CA12: variants seen among roughly 807,000 people sequenced by gnomAD.
CA12 encodes the protein carbonic anhydrase 12.
In CA12, 36 loss-of-function variants were observed where a neutral mutation model predicts 46.8. The ratio of observed to expected loss-of-function variants is 0.77; its 90% CI spans 0.59 to 1.02. The LOEUF (loss-of-function observed/expected upper bound fraction) is 1.02. CA12 is among the 50% of genes least tolerant of loss of function. The pLI is 0.00. For missense variants in CA12, 436 were observed against 451.4 expected, an observed-to-expected ratio of 0.97 and a Z score of 0.31; for synonymous variants, 202 against 187.0, an observed-to-expected ratio of 1.08 and a Z score of -0.65.
At chr15:63,351,799 C>A (rs2039235995) in intron 2 of CA12, among the ~76,000 whole-genome samples, 1 of 152,214 alleles carries the variant, frequency 6.6e-6, no homozygotes, top group South Asian at 2.1e-4. Context: ...TGATTGTTAG[C>A]CTGCCTCACC....
intron 2 of CA12, among the ~76,000 whole-genome samples, chr15:63,360,292 T>C (rs957055074): frequency 2.6e-5 from 4 of 152,186 alleles, no homozygotes; most frequent in East Asian, 1.9e-4. Context: ...TTGGGAAACC[T>C]CATTCTTTTA....
intron 4 of CA12, among the ~76,000 whole-genome samples, chr15:63,343,712 T>C (rs950634089): frequency 3.3e-5 from 5 of 152,176 alleles, no homozygotes; most frequent in African/African-American, 7.2e-5. Flanking sequence ...TTAACCAGAC[T>C]CTTGGTCTGA....
intron 2 of CA12, among the ~76,000 whole-genome samples, chr15:63,354,404 A>G (rs935453078): frequency 5.3e-5 from 8 of 152,180 alleles, no homozygotes; most frequent in Admixed American, 5.2e-4. Context: ...CTTTGCATCA[A>G]ACTTTTGTCT....
At chr15:63,367,597 A>G (rs979544449) in intron 2 of CA12, among the ~76,000 whole-genome samples, 1 of 152,232 alleles carries the variant, frequency 6.6e-6, no homozygotes. Flanking sequence ...ATCTGCAGGT[A>G]TCTTTCTGAG....
In CA12 at chr15:63,376,557, CCTTT is replaced by C. The variant is rs66768055; in HGVS notation, c.86-883_86-880del. Among the ~76,000 whole-genome samples the C allele has an allele frequency of 7.4e-3, 778 of 104,614 alleles. 7 individuals carry two copies. Among genetic ancestry groups the C allele is most frequent in the African/African-American group, 0.024 (664 of 27,712 alleles). The allele number at this position is 104,614 out of a possible 152,430, so 68.6% of individuals were successfully genotyped here. On this transcript the variant is annotated intron_variant, in intron 1 of 10. Coordinates refer to ENST00000178638, the MANE Select transcript of CA12 (RefSeq NM_001218.5). ...CTCTCCCCTCCCACTCTCTTTCTTTCCTTTCTTTCTTTCTTTCTTTCTTTCTTTC... is the reference window on the plus strand; with the variant it reads ...CTCTCCCCTCCCACTCTCTTTCTTTCCTTTCTTTCTTTCTTTCTTTCTTTC...
intron 8 of CA12, among the ~76,000 whole-genome samples, chr15:63,336,983 C>A (rs2039012515): frequency 6.6e-6 from 1 of 152,130 alleles, no homozygotes; most frequent in Non-Finnish European, 1.5e-5. Context: ...CCATTTAACC[C>A]TTGGATACTA....
intron 2 of CA12, among the ~76,000 whole-genome samples, chr15:63,357,612 G>A (rs72748941): frequency 0.021 from 3,119 of 151,688 alleles, 24 homozygotes; most frequent in South Asian, 0.026. Context: ...GCAGAGTCAG[G>A]GCCTTTTTCT....
chr15:63,340,106 GA>G lies in CA12; in HGVS notation c.747+181del. 1 of 721,880 alleles carries G rather than the reference GA, an allele frequency of 1.4e-6. No individual in the cohort carries two copies. Among genetic ancestry groups the G allele is most frequent in the Non-Finnish European group, 2.4e-6 (1 of 416,096 alleles). The allele number at this position is 721,880 out of a possible 1,614,324, so 44.7% of individuals were successfully genotyped here. On this transcript the variant is annotated intron_variant, in intron 7 of 10. Coordinates refer to ENST00000178638, the MANE Select transcript of CA12 (RefSeq NM_001218.5). This position sits in a 1 kb window ranked among gnomAD's most constrained non-coding sequence, Gnocchi z 4.4. ...AGACATCTATTCATTTGCCTAGCTT[GA>G]CTTCTTTTGAAGCTCAGCCTGGAAT... is the stretch of plus-strand genomic sequence containing the variant.
chr15:63,348,208 C>T lies in CA12; in HGVS notation c.107-1499G>A, dbSNP rs142017061. Among the ~76,000 whole-genome samples the T allele has an allele frequency of 6.6e-6, 1 of 152,306 alleles. No individual in the cohort carries two copies. The highest frequency in any genetic ancestry group is 1.9e-4 in the East Asian group (1 of 5,190). On this transcript the variant is annotated intron_variant, in intron 2 of 10. Transcript: ENST00000178638. The surrounding 1 kb of genome is among the most constrained non-coding windows in gnomAD (Gnocchi z 4.6). ...GAAATGTTACAGCATGACGGAATTGCAGAATCTCCAGTCCAACCTTTCACT... is the reference window on the plus strand; with the variant it reads ...GAAATGTTACAGCATGACGGAATTGTAGAATCTCCAGTCCAACCTTTCACT...
rs74794784 is a variant in CA12 at position 63,327,500 on chromosome 15, GTT to G, written c.908-269_908-268del. On this transcript the variant is annotated intron_variant, in intron 9 of 10. Coordinates refer to ENST00000178638, the MANE Select transcript of CA12 (RefSeq NM_001218.5). The surrounding 1 kb of genome is among the most constrained non-coding windows in gnomAD (Gnocchi z 4.5). ...CTGAAGAGCTTGTTTAAAATGTAGG[GTT>G]TTTTTTTTTTTTTTAGCCCAACCCC... Among the ~76,000 whole-genome samples, 19 of 140,248 alleles carry G rather than the reference GTT, an allele frequency of 1.4e-4. No individual in the cohort carries two copies. The highest frequency in any genetic ancestry group is 3.3e-3 in the Middle Eastern group (1 of 300). 92.0% of individuals were successfully genotyped at this position (140,248 alleles called of 152,430 possible).
intron 2 of CA12, among the ~76,000 whole-genome samples, chr15:63,371,601 G>T (rs1435081336): frequency 6.6e-6 from 1 of 152,258 alleles, no homozygotes; most frequent in Non-Finnish European, 1.5e-5. Context: ...CCAGGAGGAA[G>T]GCTTGTCATC....
chr15:63,372,771 A>T lies in CA12; in HGVS notation c.106+2887T>A, dbSNP rs1416383470. Among the ~76,000 whole-genome samples, 1 of 152,182 alleles carries T rather than the reference A, an allele frequency of 6.6e-6. No individual in the cohort carries two copies. The highest frequency in any genetic ancestry group is 2.4e-5 in the African/African-American group (1 of 41,442). ...GACCTCAGGAGGAGTTTGCCTCCTT[A>T]GCTGTCTTCCATCTGTCCTCTCCTG... On this transcript the variant is annotated intron_variant, in intron 2 of 10. Transcript: ENST00000178638. This position sits in a 1 kb window ranked among gnomAD's most constrained non-coding sequence, Gnocchi z 4.5.
intron 2 of CA12, among the ~76,000 whole-genome samples, chr15:63,356,131 G>A (rs1228337284): frequency 3.3e-5 from 5 of 152,118 alleles, no homozygotes; most frequent in Non-Finnish European, 7.4e-5. Flanking sequence ...GGTGGCTCAC[G>A]CCTGTAATCC....
At chr15:63,360,759 G>A (rs1305178685) in intron 2 of CA12, among the ~76,000 whole-genome samples, 5 of 152,182 alleles carry the variant, frequency 3.3e-5, no homozygotes, top group Non-Finnish European at 7.3e-5. Flanking sequence ...ACATGCCCCC[G>A]AATTGAGGTT....
At chr15:63,365,101 C>T (rs1012545613) in intron 2 of CA12, among the ~76,000 whole-genome samples, 1 of 152,232 alleles carries the variant, frequency 6.6e-6, no homozygotes, top group African/African-American at 2.4e-5. Context: ...GCATAAGCCA[C>T]CTCATCCGGA....
chr15:63,370,384 G>A (rs906882186), intron 2 of CA12, among the ~76,000 whole-genome samples: 2 of 151,044 alleles, frequency 1.3e-5, no homozygotes, highest in African/African-American at 4.9e-5. Flanking sequence ...GGTGATGGAG[G>A]CTGCAGCGAG....
intron 2 of CA12, among the ~76,000 whole-genome samples, chr15:63,356,095 CTT>C (rs1567049506): frequency 6.6e-6 from 1 of 152,124 alleles, no homozygotes; most frequent in Non-Finnish European, 1.5e-5. Context: ...GGCTTAATCT[CTT>C]TTTAAAAATT....
In CA12 at chr15:63,374,709, G is replaced by A. The variant is rs2039549891; in HGVS notation, c.106+949C>T. Among the ~76,000 whole-genome samples, 1 of 152,208 alleles carries A rather than the reference G, an allele frequency of 6.6e-6. No homozygotes were observed. Among genetic ancestry groups the A allele is most frequent in the South Asian group, 2.1e-4 (1 of 4,838 alleles). Reference sequence around the variant, plus strand: ...CAAAGGCTGACCTATGCAAATTGGTGTCAGATCTTTCTCTGGACGGTGCTT... The same window carrying A: ...CAAAGGCTGACCTATGCAAATTGGTATCAGATCTTTCTCTGGACGGTGCTT... On this transcript the variant is annotated intron_variant, in intron 2 of 10. Coordinates refer to ENST00000178638, the MANE Select transcript of CA12 (RefSeq NM_001218.5). The surrounding 1 kb of genome is among the most constrained non-coding windows in gnomAD (Gnocchi z 4.4).
At chr15:63,351,977 T>G (rs1020835821) in intron 2 of CA12, among the ~76,000 whole-genome samples, 5 of 152,204 alleles carry the variant, frequency 3.3e-5, no homozygotes, top group Non-Finnish European at 7.3e-5. Flanking sequence ...TTCAGAAATT[T>G]AGCCATAAAG....
Sources: gnomAD v4.1 joint callset for allele counts (sites outside exome capture counted in the v4.1 genomes callset) on GRCh38, gnomAD v4.1.1 for gene constraint, Gnocchi (gnomAD v3.1) non-coding constraint, MANE v1.5 for transcripts, NCBI Gene and HGNC (gene_info 2026-07-23, HGNC 2026-07-21) for gene names.